Variants in ZNF462 observed in about 807,000 individuals in gnomAD.
ZNF462 encodes zinc finger protein 462.
In ZNF462, 10 loss-of-function variants were observed where a neutral mutation model predicts 201.9. That is an observed-to-expected ratio of 0.05 (90% CI 0.03 to 0.08). The LOEUF is 0.08. Ranked by LOEUF, ZNF462 falls within the 10% of genes least tolerant of loss-of-function variation. ZNF462 has a pLI of 1.00. For synonymous variants in ZNF462, 1,227 were observed against 1,193.3 expected (o/e 1.03, Z -0.58); for missense variants, 2,523 against 3,168.3 (o/e 0.80, Z 4.89).
intron 7 of ZNF462, 110 bp downstream of exon 7, chr9:106,939,217 C>G: frequency 8.7e-6 from 10 of 1,149,118 alleles, no homozygotes; most frequent in Non-Finnish European, 1.2e-5. Flanking sequence ...CATGATGGTT[C>G]AAGTGAAGGA....
At chr9:106,952,895 A>G (rs1472801456) in intron 7 of ZNF462, among the ~76,000 whole-genome samples, 2 of 152,172 alleles carry the variant, frequency 1.3e-5, no homozygotes, top group Non-Finnish European at 2.9e-5. Flanking sequence ...GCCCTGGGTC[A>G]TAGTTAAATC....
chr9:106,908,928 T>TAC (rs1218644672), intron 1 of ZNF462, among the ~76,000 whole-genome samples: 1,599 of 38,402 alleles, frequency 0.042, 23 homozygotes, highest in Non-Finnish European at 0.06. Flanking sequence ...TATATATATA[T>TAC]ATATATATAT....
At chr9:106,922,831 C>G (rs1830040805) in intron 1 of ZNF462, among the ~76,000 whole-genome samples, 1 of 152,184 alleles carries the variant, frequency 6.6e-6, no homozygotes, top group African/African-American at 2.4e-5. Flanking sequence ...AATAAAAATG[C>G]TCTACCTCCA....
At chr9:106,991,334 C>G (rs1238574673) in intron 10 of ZNF462, among the ~76,000 whole-genome samples, 1 of 151,918 alleles carries the variant, frequency 6.6e-6, no homozygotes, top group East Asian at 1.9e-4. Flanking sequence ...GAATAAAAGT[C>G]TTAAGAATAC....
Position 107,009,784 on chromosome 9 carries a change from GGC to G in ZNF462, c.7313+117_7313+118del. On this transcript the variant is annotated intron_variant, in intron 12 of 12. Coordinates refer to ENST00000277225, the MANE Select transcript of ZNF462 (RefSeq NM_021224.6). This position sits in a 1 kb window ranked among gnomAD's most constrained non-coding sequence, Gnocchi z 6.1. ...TACACCCCTCTGTGTCACATTTCTGGGCCGTGGGAGGAGAGGCAATGGTGAGG... is the reference window on the plus strand; with the variant it reads ...TACACCCCTCTGTGTCACATTTCTGGCGTGGGAGGAGAGGCAATGGTGAGG... 14 of 1,436,064 alleles carry G rather than the reference GGC, an allele frequency of 9.7e-6. No homozygotes were observed. The highest frequency in any genetic ancestry group is 1.3e-5 in the Non-Finnish European group (14 of 1,068,764). The allele number at this position is 1,436,064 out of a possible 1,614,324, so 89.0% of individuals were successfully genotyped here.
intron 10 of ZNF462, among the ~76,000 whole-genome samples, chr9:106,992,895 T>G (rs979857791): frequency 6.6e-6 from 1 of 152,080 alleles, no homozygotes; most frequent in African/African-American, 2.4e-5. Context: ...CAGTAGGTCT[T>G]CAATAAATGT....
chr9:106,864,061 T>TCC (rs1827190071), intron 1 of ZNF462, among the ~76,000 whole-genome samples: 1 of 92,106 alleles, frequency 1.1e-5, no homozygotes, highest in African/African-American at 4.4e-5. Context: ...TCTCTCTCTC[T>TCC]CTCTCTCTCT....
chr9:106,914,647 C>G (rs955241924), intron 1 of ZNF462, among the ~76,000 whole-genome samples: 1 of 152,142 alleles, frequency 6.6e-6, no homozygotes. Flanking sequence ...ACTGAGTGTT[C>G]CCAAGGCTGA....
At chr9:106,975,484 A>G (rs1276784009) in intron 9 of ZNF462, 2 of 152,146 alleles carry the variant, frequency 1.3e-5, no homozygotes, top group Non-Finnish European at 2.9e-5. Flanking sequence ...ACATGCACAG[A>G]TTTCCCTCCT....
At chr9:106,956,072 G>A (rs1831559732) in intron 7 of ZNF462, among the ~76,000 whole-genome samples, 1 of 152,100 alleles carries the variant, frequency 6.6e-6, no homozygotes, top group Non-Finnish European at 1.5e-5. Flanking sequence ...CATCTAGAAT[G>A]GTGATTCCTT....
chr9:106,931,310 A>G (rs1170351067), intron 4 of ZNF462, among the ~76,000 whole-genome samples: 1 of 152,162 alleles, frequency 6.6e-6, no homozygotes, highest in Non-Finnish European at 1.5e-5. Context: ...TTTGAACATC[A>G]TAATCCTAAT....
chr9:106,880,286 G>A lies in ZNF462; in HGVS notation c.-31+16931G>A, dbSNP rs1233525581. On this transcript the variant is annotated intron_variant, in intron 1 of 12. Coordinates refer to ENST00000277225, the MANE Select transcript of ZNF462 (RefSeq NM_021224.6). The surrounding 1 kb of genome is among the most constrained non-coding windows in gnomAD (Gnocchi z 4.1). Reference sequence around the variant, plus strand: ...CTTCTCTGCATCAGCTCATGATTCTGTCTGGGCCTGTGCAGTCCAGGAGCT... The same window carrying A: ...CTTCTCTGCATCAGCTCATGATTCTATCTGGGCCTGTGCAGTCCAGGAGCT... 6.6e-6 allele frequency among the ~76,000 whole-genome samples: 1 copy of A among 152,224 alleles called. No individual in the cohort carries two copies. The highest frequency in any genetic ancestry group is 2.4e-5 in the African/African-American group (1 of 41,458).
chr9:106,917,774 G>A lies in ZNF462; in HGVS notation c.-30-5580G>A, dbSNP rs1829832729. Among the ~76,000 whole-genome samples, 1 of 152,050 alleles carries A rather than the reference G, an allele frequency of 6.6e-6. No individual in the cohort carries two copies. Among genetic ancestry groups the A allele is most frequent in the Non-Finnish European group, 1.5e-5 (1 of 67,996 alleles). On this transcript the variant is annotated intron_variant, in intron 1 of 12. Transcript: ENST00000277225. The surrounding 1 kb of genome is among the most constrained non-coding windows in gnomAD (Gnocchi z 4.5). Reference sequence around the variant, plus strand: ...GCCAGAATCTGTAGTAGTACCAAATGCTATGGGATTGTTGGAGGTAGCTTG... The same window carrying A: ...GCCAGAATCTGTAGTAGTACCAAATACTATGGGATTGTTGGAGGTAGCTTG...
intron 10 of ZNF462, among the ~76,000 whole-genome samples, chr9:106,991,982 T>A (rs958007834): frequency 5.9e-5 from 9 of 151,502 alleles, no homozygotes; most frequent in East Asian, 3.9e-4. Context: ...GGGAAAAAAA[T>A]TTTTATATAT....
chr9:106,946,144 A>T (rs2131705547), intron 7 of ZNF462, among the ~76,000 whole-genome samples: 1 of 152,324 alleles, frequency 6.6e-6, no homozygotes, highest in South Asian at 2.1e-4. Flanking sequence ...TACTAAACTT[A>T]TTCAGAACTA....
chr9:106,875,339 T>A (rs1486880032), intron 1 of ZNF462, among the ~76,000 whole-genome samples: 1 of 152,206 alleles, frequency 6.6e-6, no homozygotes, highest in African/African-American at 2.4e-5. Flanking sequence ...AAATCAGCAA[T>A]AGGAATCTTG....
rs934203017 is a variant in ZNF462, at chr9:106,950,380, G to T, written c.6427+11273G>T. Reference sequence around the variant, plus strand: ...TATCTTACTTGTCCCAAACTAAATGGAGTGAGCAGCTGTGTGGTTAGTAGC... The same window carrying T: ...TATCTTACTTGTCCCAAACTAAATGTAGTGAGCAGCTGTGTGGTTAGTAGC... On this transcript the variant is annotated intron_variant, in intron 7 of 12. Transcript: ENST00000277225. The surrounding 1 kb of genome is among the most constrained non-coding windows in gnomAD (Gnocchi z 4.1). 6.6e-6 allele frequency among the ~76,000 whole-genome samples: 1 copy of T among 152,168 alleles called. No individual in the cohort carries two copies. Among genetic ancestry groups the T allele is most frequent in the Non-Finnish European group, 1.5e-5 (1 of 68,026 alleles).
intron 11 of ZNF462, among the ~76,000 whole-genome samples, chr9:107,007,929 T>G (rs1422012297): frequency 1.3e-5 from 2 of 152,170 alleles, no homozygotes; most frequent in Non-Finnish European, 2.9e-5. Context: ...TTCCTCTTGT[T>G]GGCAATTTAG....
chr9:106,865,744 TA>T lies in ZNF462; in HGVS notation c.-31+2390del, dbSNP rs1437635440. Among the ~76,000 whole-genome samples, 1 of 152,224 alleles carries T rather than the reference TA, an allele frequency of 6.6e-6. No individual in the cohort carries two copies. The highest frequency in any genetic ancestry group is 2.4e-5 in the African/African-American group (1 of 41,456). On this transcript the variant is annotated intron_variant, in intron 1 of 12. Coordinates refer to ENST00000277225, the MANE Select transcript of ZNF462 (RefSeq NM_021224.6). This position sits in a 1 kb window ranked among gnomAD's most constrained non-coding sequence, Gnocchi z 4.1. ...AACATGATGTCAGTTGAGAAAACCT[TA>T]TGTCCAGGTATCTTCACCTTTTTAA...
Sources: gnomAD v4.1 joint callset for allele counts (sites outside exome capture counted in the v4.1 genomes callset) on GRCh38, gnomAD v4.1.1 for gene constraint, Gnocchi (gnomAD v3.1) non-coding constraint, MANE v1.5 for transcripts, NCBI Gene and HGNC (gene_info 2026-07-23, HGNC 2026-07-21) for gene names.